Variants in B3GALT1 observed in about 807,000 individuals in gnomAD.
B3GALT1 encodes beta-1,3-galactosyltransferase 1, also known as UDP-Gal:betaGlcNAc beta 1,3-galactosyltransferase, polypeptide 1.
A neutral mutation model predicts 23.2 loss-of-function variants in B3GALT1; 10 were observed. The ratio of observed to expected loss-of-function variants is 0.43; its 90% confidence interval spans 0.27 to 0.73. The LOEUF is 0.73. B3GALT1 is among the 30% of genes least tolerant of loss of function. The pLI, the probability that B3GALT1 is intolerant of heterozygous loss-of-function variation, is 0.21. For missense variants in B3GALT1, 299 were observed against 405.4 expected, an observed-to-expected ratio of 0.74 and a Z score of 2.25; for synonymous variants, 156 against 141.5, an observed-to-expected ratio of 1.10 and a Z score of -0.73.
intron 1 of B3GALT1, among the ~76,000 whole-genome samples, chr2:167,352,367 A>G (rs1479209103): frequency 6.6e-6 from 1 of 150,418 alleles, no homozygotes; most frequent in African/African-American, 2.5e-5. Context: ...TCTACATTTG[A>G]CATAGACCTG....
chr2:167,806,210 A>C (rs1688749337), intron 3 of B3GALT1, among the ~76,000 whole-genome samples: 1 of 152,218 alleles, frequency 6.6e-6, no homozygotes, highest in Admixed American at 6.5e-5. Flanking sequence ...GTTGCCCATC[A>C]GCTTAAGGAG....
intron 2 of B3GALT1, among the ~76,000 whole-genome samples, chr2:167,516,214 G>A (rs1459192410): frequency 6.6e-6 from 1 of 151,900 alleles, no homozygotes; most frequent in East Asian, 1.9e-4. Flanking sequence ...TTTGTCATCT[G>A]CCTTTTGCTT....
At chr2:167,729,918 A>G (rs974663355) in intron 3 of B3GALT1, among the ~76,000 whole-genome samples, 4 of 152,088 alleles carry the variant, frequency 2.6e-5, no homozygotes, top group Non-Finnish European at 4.4e-5. Flanking sequence ...TCCTCCTCCA[A>G]TTAGACCCAT....
intron 3 of B3GALT1, among the ~76,000 whole-genome samples, chr2:167,768,223 C>T (rs2105305817): frequency 6.6e-6 from 1 of 152,304 alleles, no homozygotes; most frequent in African/African-American, 2.4e-5. Flanking sequence ...AAGTGGACAC[C>T]TAAAATTCAC....
At position 167,418,900 on chromosome 2, in the gene B3GALT1, A is replaced by C. The variant is rs115517484; in HGVS notation, c.-510-71277A>C. Among the ~76,000 whole-genome samples the C allele has an allele frequency of 5.0e-3, 769 of 152,288 alleles. 8 individuals are homozygous for C. The highest frequency in any genetic ancestry group is 0.018 in the African/African-American group (735 of 41,564). ...AGAAGGTGTGGGAGGATTAACTGGG[A>C]GGCTCTGACTTCATTGGCGAGTACT... On this transcript the variant is annotated intron_variant, in intron 1 of 4. Transcript: ENST00000392690.
At chr2:167,622,937 A>T (rs1281535225) in intron 2 of B3GALT1, among the ~76,000 whole-genome samples, 1 of 152,122 alleles carries the variant, frequency 6.6e-6, no homozygotes, top group East Asian at 1.9e-4. Context: ...TGGACTCAAG[A>T]TCAAACAGTC....
In B3GALT1 at chr2:167,486,786, C is replaced by A. The variant is rs561865170; in HGVS notation, c.-510-3391C>A. 3.3e-5 allele frequency among the ~76,000 whole-genome samples: 5 copies of A among 151,942 alleles called. No homozygotes were observed. In the East Asian group the frequency reaches 9.7e-4, roughly 29 times the overall value. On this transcript the variant is annotated intron_variant, in intron 1 of 4. Transcript: ENST00000392690. The stretch of plus-strand genomic sequence containing the variant: ...AAGAATGACGAGGAAATACAGAGAA[C>A]TGATACTCACACTGGCCAAAAGAAA...
chr2:167,394,295 A>G (rs1698061719), intron 1 of B3GALT1, among the ~76,000 whole-genome samples: 1 of 152,218 alleles, frequency 6.6e-6, no homozygotes, highest in African/African-American at 2.4e-5. Context: ...ATATCTATAC[A>G]GAAGAGTTTT....
chr2:167,704,141 A>T (rs980767049), intron 3 of B3GALT1, among the ~76,000 whole-genome samples: 2 of 142,948 alleles, frequency 1.4e-5, no homozygotes, highest in Non-Finnish European at 3.0e-5. Flanking sequence ...AGATCGCACC[A>T]CTGCACTCCA....
intron 2 of B3GALT1, among the ~76,000 whole-genome samples, chr2:167,637,208 A>G (rs903992657): frequency 2.0e-5 from 3 of 151,966 alleles, no homozygotes; most frequent in Admixed American, 6.6e-5. Context: ...TGGTGCACGT[A>G]TGTGGTGCTT....
chr2:167,540,095 C>T (rs1683511142), intron 2 of B3GALT1, among the ~76,000 whole-genome samples: 1 of 152,248 alleles, frequency 6.6e-6, no homozygotes, highest in East Asian at 1.9e-4. Flanking sequence ...TCATCTTTCT[C>T]TTCCCAAGAG....
At chr2:167,838,383 A>G (rs1214009146) in intron 4 of B3GALT1, among the ~76,000 whole-genome samples, 3 of 152,292 alleles carry the variant, frequency 2.0e-5, no homozygotes, top group Admixed American at 1.3e-4. Flanking sequence ...CTACCATCAG[A>G]GAATACTACA....
chr2:167,855,297 A>C (rs1689979771), intron 4 of B3GALT1, among the ~76,000 whole-genome samples: 1 of 152,126 alleles, frequency 6.6e-6, no homozygotes, highest in African/African-American at 2.4e-5. Context: ...TGGTGTATAG[A>C]CCTACATATT....
intron 1 of B3GALT1, among the ~76,000 whole-genome samples, chr2:167,321,590 A>G (rs1463309291): frequency 1.1e-4 from 16 of 152,130 alleles, no homozygotes; most frequent in African/African-American, 3.6e-4. Flanking sequence ...CCAGCAATCC[A>G]TTGATTCTTT....
intron 3 of B3GALT1, among the ~76,000 whole-genome samples, chr2:167,787,626 C>T (rs1688363584): frequency 6.6e-6 from 1 of 152,198 alleles, no homozygotes; most frequent in Non-Finnish European, 1.5e-5. Context: ...CTTCCCCATC[C>T]ATTCTGGACA....
rs184201413 is a variant in B3GALT1 at position 167,538,753 on chromosome 2, A to G, written c.-410+48476A>G. Reference sequence around the variant, plus strand: ...TCGTTTAGAACATTATATAAATCATAGAAACTACTGGATTTAATATGAAAG... The same window carrying G: ...TCGTTTAGAACATTATATAAATCATGGAAACTACTGGATTTAATATGAAAG... On this transcript the variant is annotated intron_variant, in intron 2 of 4. Coordinates refer to ENST00000392690, the MANE Select transcript of B3GALT1 (RefSeq NM_020981.4). 8.5e-4 allele frequency among the ~76,000 whole-genome samples: 130 copies of G among 152,380 alleles called. 1 individual carries two copies. The highest frequency in any genetic ancestry group is 3.1e-3 in the African/African-American group (127 of 41,598).
intron 3 of B3GALT1, among the ~76,000 whole-genome samples, chr2:167,792,580 A>C (rs1331748041): frequency 6.6e-6 from 1 of 152,228 alleles, no homozygotes; most frequent in Non-Finnish European, 1.5e-5. Flanking sequence ...CTAAAAGAGC[A>C]TTTTAGGATA....
intron 3 of B3GALT1, among the ~76,000 whole-genome samples, chr2:167,774,200 C>T (rs1688119395): frequency 6.6e-6 from 1 of 152,070 alleles, no homozygotes; most frequent in South Asian, 2.1e-4. Flanking sequence ...AACCATGTGA[C>T]CCAGTATGTT....
intron 1 of B3GALT1, among the ~76,000 whole-genome samples, chr2:167,419,245 A>G (rs1341653287): frequency 6.6e-6 from 1 of 152,244 alleles, no homozygotes; most frequent in African/African-American, 2.4e-5. Flanking sequence ...AAATATTATT[A>G]CACAAAAAGA....
Sources: gnomAD v4.1 joint callset for allele counts (sites outside exome capture counted in the v4.1 genomes callset) on GRCh38, gnomAD v4.1.1 for gene constraint, MANE v1.5 for transcripts, NCBI Gene and HGNC (gene_info 2026-07-23, HGNC 2026-07-21) for gene names.